The following SNAPC3 variants were observed in gnomAD, a reference collection of about 807,000 sequenced individuals.
SNAPC3 encodes the protein snRNA-activating protein complex subunit 3.
In SNAPC3, 56 loss-of-function variants were observed where a neutral mutation model predicts 47.7. The observed-to-expected ratio is 1.18, with a 90% CI of 0.95 to 1.47. The LOEUF (loss-of-function observed/expected upper bound fraction) is 1.47. Ranked by LOEUF, SNAPC3 falls within the 40% of genes most tolerant of loss-of-function variation. The pLI, the probability that SNAPC3 is intolerant of heterozygous loss-of-function variation, is 0.00. For missense variants in SNAPC3, 665 were observed against 511.3 expected (o/e 1.30, Z -2.90); for synonymous variants, 235 against 189.9 (o/e 1.24, Z -1.95).
At chr9:15,463,215 C>CTTTTT (rs142971475), downstream of SNAPC3, 1 of 52,164 alleles carries the variant, frequency 1.9e-5, no homozygotes, top group Non-Finnish European at 3.4e-5. Context: ...TGGTATGACT[C>CTTTTT]TTTTTTTTTT....
At chr9:15,429,503 G>T (rs2031868045) in intron 2 of SNAPC3, among the ~76,000 whole-genome samples, 1 of 152,096 alleles carries the variant, frequency 6.6e-6, no homozygotes, top group Admixed American at 6.6e-5. Flanking sequence ...TGGATAATGT[G>T]TGGGCAATAG....
chr9:15,431,667 G>A (rs969698678), intron 2 of SNAPC3, among the ~76,000 whole-genome samples: 2 of 152,118 alleles, frequency 1.3e-5, no homozygotes, highest in East Asian at 1.9e-4. Context: ...GGAACAAAGA[G>A]GGAGTGACAC....
intron 7 of SNAPC3, among the ~76,000 whole-genome samples, chr9:15,455,268 T>G (rs1232723254): frequency 1.3e-5 from 2 of 152,198 alleles, no homozygotes; most frequent in Non-Finnish European, 2.9e-5. Flanking sequence ...TTGATGTTAT[T>G]AAAATTTTAT....
Position 15,433,630 on chromosome 9 carries a change from T to A in SNAPC3, c.471T>A (p.Tyr157Ter). 2 of 1,587,596 alleles carry A rather than the reference T, an allele frequency of 1.3e-6. No individual in the cohort carries two copies. The highest frequency in any genetic ancestry group is 1.7e-6 in the Non-Finnish European group (2 of 1,158,696). ...CCTGCAGACAAGAAACATTCGTTTATGAGATGGTAATTAAGAGTCTCATCT... is the reference window on the plus strand; with the variant it reads ...CCTGCAGACAAGAAACATTCGTTTAAGAGATGGTAATTAAGAGTCTCATCT... Reference protein sequence around the residue: ...DRACRQETFVYEMESHAIGKK... With the variant: ...DRACRQETFV The change falls in exon 3 of 9, where the codon TAT becomes TAA. Residue 157 changes from tyrosine to a stop codon, truncating the protein, a stop_gained. Coordinates refer to ENST00000380821, the MANE Select transcript of SNAPC3 (RefSeq NM_001039697.2). LOFTEE classifies it high-confidence loss of function.
At chr9:15,424,897 G>A (rs1023384026) in intron 2 of SNAPC3, among the ~76,000 whole-genome samples, 1 of 152,078 alleles carries the variant, frequency 6.6e-6, no homozygotes, top group Non-Finnish European at 1.5e-5. Context: ...CTGTTCCCCT[G>A]GTCCCTACTG....
intron 3 of SNAPC3, among the ~76,000 whole-genome samples, chr9:15,435,310 C>T (rs745701227): frequency 2.6e-5 from 4 of 152,294 alleles, no homozygotes; most frequent in East Asian, 1.9e-4. Context: ...CCATGGCTAA[C>T]GCTTGTAATC....
At position 15,434,004 on chromosome 9, in the gene SNAPC3, AAG is replaced by A. The variant is rs1387881709; in HGVS notation, c.477+370_477+371del. ...CTTGTGTAAAACTTTGGGAAAATTT[AAG>A]ATGATGACTCTTGAGGAATTAGGAG... is the stretch of plus-strand genomic sequence containing the variant. On this transcript the variant is annotated intron_variant, in intron 3 of 8. Transcript: ENST00000380821. 3.5e-4 allele frequency among the ~76,000 whole-genome samples: 53 copies of A among 152,330 alleles called. No homozygotes were observed. In the South Asian group the frequency reaches 0.011, roughly 31 times the overall value.
intron 7 of SNAPC3, among the ~76,000 whole-genome samples, chr9:15,457,306 A>G (rs940873073): frequency 6.6e-6 from 1 of 152,170 alleles, no homozygotes; most frequent in African/African-American, 2.4e-5. Context: ...ACAAGGTACT[A>G]AATGTTAGCC....
intron 2 of SNAPC3, among the ~76,000 whole-genome samples, chr9:15,431,006 A>G (rs2032075848): frequency 6.6e-6 from 1 of 152,144 alleles, no homozygotes; most frequent in Admixed American, 6.5e-5. Context: ...GCACATCCTT[A>G]AGCTTTGTCA....
intron 2 of SNAPC3, among the ~76,000 whole-genome samples, chr9:15,432,712 G>T (rs2032320432): frequency 6.6e-6 from 1 of 152,094 alleles, no homozygotes; most frequent in Non-Finnish European, 1.5e-5. Flanking sequence ...GAGGAAAGAG[G>T]CAGGTCTTCC....
At chr9:15,457,280 C>T (rs1461543004) in intron 7 of SNAPC3, among the ~76,000 whole-genome samples, 2 of 151,998 alleles carry the variant, frequency 1.3e-5, no homozygotes, top group Admixed American at 6.6e-5. Context: ...TAGCTTTGCC[C>T]AAATTATGTT....
intron 7 of SNAPC3, among the ~76,000 whole-genome samples, chr9:15,457,010 A>C (rs2034847837): frequency 1.3e-5 from 2 of 152,232 alleles, no homozygotes; most frequent in South Asian, 4.1e-4. Flanking sequence ...ATCTTTCAGA[A>C]GAATCTGAAG....
chr9:15,434,310 C>T (rs1012412308), intron 3 of SNAPC3, among the ~76,000 whole-genome samples: 1 of 152,124 alleles, frequency 6.6e-6, no homozygotes, highest in Non-Finnish European at 1.5e-5. Flanking sequence ...TTCCCTCCTG[C>T]AGCCCCTGCT....
At chr9:15,462,553 T>TG, downstream of SNAPC3, 1 of 152,352 alleles carries the variant, frequency 6.6e-6, no homozygotes, top group Admixed American at 6.5e-5. Context: ...CATTAGCTAA[T>TG]GAAGATAGGC....
chr9:15,435,132 T>C (rs182327407), intron 3 of SNAPC3, among the ~76,000 whole-genome samples: 9 of 152,312 alleles, frequency 5.9e-5, no homozygotes, highest in African/African-American at 1.9e-4. Context: ...TAGTATCTCA[T>C]TGTGGTTTCG....
chr9:15,423,520 C>G (rs1003883215), intron 1 of SNAPC3, among the ~76,000 whole-genome samples: 1 of 152,166 alleles, frequency 6.6e-6, no homozygotes, highest in South Asian at 2.1e-4. Flanking sequence ...CATTGACAGA[C>G]ACTTTGACAA....
At chr9:15,464,802 TGTCTGCAAAGAA>T, downstream of SNAPC3, 1 of 207,204 alleles carries the variant, frequency 4.8e-6, no homozygotes, top group Non-Finnish European at 9.8e-6. Context: ...CCCAGTCAGT[TGTCTGCAAAGAA>T]GTCCTAAGAC....
intron 1 of SNAPC3, 127 bp downstream of exon 1, chr9:15,423,320 T>G (rs757631587): frequency 5.9e-5 from 57 of 971,872 alleles, no homozygotes; most frequent in Non-Finnish European, 7.5e-5. Context: ...AGTATTACCC[T>G]TTAAAGCTTT....
downstream of SNAPC3, chr9:15,462,244 G>A (rs1478135324): frequency 1.3e-5 from 2 of 152,156 alleles, no homozygotes; most frequent in African/African-American, 4.8e-5. Context: ...ATTTGAGAAT[G>A]TTATTTTGCT....
Sources: gnomAD v4.1 joint callset for allele counts (sites outside exome capture counted in the v4.1 genomes callset) on GRCh38, gnomAD v4.1.1 for gene constraint, MANE v1.5 for transcripts, NCBI Gene and HGNC (gene_info 2026-07-23, HGNC 2026-07-21) for gene names.